HEMK2: variants seen among roughly 807,000 people sequenced by gnomAD.
The protein encoded by HEMK2 is HemK methyltransferase 2, ETF1 glutamine and histone H4 lysine, also known as methyltransferase HEMK2.
At chr21:28,876,094 G>GA in the HEMK2 span, 8 of 199,154 alleles carry the variant, frequency 4.0e-5, no homozygotes, top group East Asian at 1.1e-4. Context: ...GGACTGGTAT[G>GA]AAAAAAAAGA....
chr21:28,775,407 A>G, the HEMK2 span, among the ~76,000 whole-genome samples: 1 of 152,226 alleles, frequency 6.6e-6, no homozygotes, highest in African/African-American at 2.4e-5. Context: ...AAATGGATAT[A>G]CAGGTCTTGA....
the HEMK2 span, among the ~76,000 whole-genome samples, chr21:28,746,129 A>G: frequency 3.9e-5 from 6 of 152,368 alleles, no homozygotes; most frequent in Admixed American, 2.6e-4. Context: ...AAAAACTGAT[A>G]AAACGTTTTG....
the HEMK2 span, among the ~76,000 whole-genome samples, chr21:28,707,130 G>T: frequency 6.6e-6 from 1 of 152,064 alleles, no homozygotes; most frequent in Non-Finnish European, 1.5e-5. Context: ...ATTACATTGA[G>T]AATGTTTAAA....
At chr21:28,701,616 G>C in the HEMK2 span, among the ~76,000 whole-genome samples, 1 of 149,152 alleles carries the variant, frequency 6.7e-6, no homozygotes, top group Non-Finnish European at 1.5e-5. Context: ...TAGAAATATA[G>C]CTAACCAGGG....
At chr21:28,674,797 G>C in the HEMK2 span, 1 of 97,086 alleles carries the variant, frequency 1.0e-5, no homozygotes, top group South Asian at 2.7e-4. Flanking sequence ...TCAGTATATA[G>C]TGGAGGCCCT....
the HEMK2 span, among the ~76,000 whole-genome samples, chr21:28,859,752 AC>A: frequency 3.3e-5 from 5 of 151,906 alleles, no homozygotes; most frequent in Non-Finnish European, 5.9e-5. Flanking sequence ...TGCCCTCACC[AC>A]CCCAGACCTG....
chr21:28,809,817 A>C, the HEMK2 span, among the ~76,000 whole-genome samples: 9 of 152,196 alleles, frequency 5.9e-5, no homozygotes, highest in African/African-American at 2.2e-4. Flanking sequence ...ATTCATAGAC[A>C]GTTGTATCTA....
At chr21:28,663,456 C>T in the HEMK2 span, among the ~76,000 whole-genome samples, 1 of 152,164 alleles carries the variant, frequency 6.6e-6, no homozygotes, top group Non-Finnish European at 1.5e-5. Flanking sequence ...TGAAACACTG[C>T]GATGGGCCAA....
At chr21:28,634,439 G>A in the HEMK2 span, among the ~76,000 whole-genome samples, 1 of 152,186 alleles carries the variant, frequency 6.6e-6, no homozygotes, top group Non-Finnish European at 1.5e-5. Flanking sequence ...GGGCGAGTCA[G>A]GATATGCACG....
chr21:28,608,285 A>G, the HEMK2 span, among the ~76,000 whole-genome samples: 71 of 152,164 alleles, frequency 4.7e-4, no homozygotes, highest in Non-Finnish European at 1.0e-3. Flanking sequence ...TCATTCTCCA[A>G]TTTTAAAATT....
At chr21:28,627,934 C>G in the HEMK2 span, among the ~76,000 whole-genome samples, 4,248 of 152,246 alleles carry the variant, frequency 0.028, 73 homozygotes, top group Non-Finnish European at 0.041. Flanking sequence ...ACTTCATTTG[C>G]ATGGGGACTA....
the HEMK2 span, among the ~76,000 whole-genome samples, chr21:28,635,101 C>CTTTTTTTTTTTTTT: frequency 7.0e-6 from 1 of 142,902 alleles, no homozygotes; most frequent in Non-Finnish European, 1.5e-5. Flanking sequence ...ATGTCCTCAT[C>CTTTTTTTTTTTTTT]TTTTTTTTTT....
the HEMK2 span, among the ~76,000 whole-genome samples, chr21:28,586,556 A>G: frequency 6.6e-6 from 1 of 152,218 alleles, no homozygotes; most frequent in Non-Finnish European, 1.5e-5. Flanking sequence ...GCATTTTATA[A>G]GCCATCCTAT....
chr21:28,831,308 T>C, the HEMK2 span, among the ~76,000 whole-genome samples: 1 of 150,900 alleles, frequency 6.6e-6, no homozygotes, highest in Non-Finnish European at 1.5e-5. Context: ...TAGCTGGGCG[T>C]GGTAGCGGGC....
the HEMK2 span, among the ~76,000 whole-genome samples, chr21:28,596,788 T>G: frequency 6.6e-6 from 1 of 152,154 alleles, no homozygotes; most frequent in African/African-American, 2.4e-5. Flanking sequence ...TTTCAAGAAA[T>G]CATTATATAT....
the HEMK2 span, among the ~76,000 whole-genome samples, chr21:28,592,089 C>T: frequency 0.023 from 3,574 of 152,188 alleles, 158 homozygotes; most frequent in African/African-American, 0.082. Flanking sequence ...CTGGGTTGAA[C>T]GGTAGTTCTG....
the HEMK2 span, among the ~76,000 whole-genome samples, chr21:28,774,905 T>C: frequency 6.6e-6 from 1 of 152,222 alleles, no homozygotes; most frequent in African/African-American, 2.4e-5. Context: ...AAGATGCATC[T>C]AAATTTAGAT....
chr21:28,690,621 A>G, the HEMK2 span, among the ~76,000 whole-genome samples: 1 of 152,116 alleles, frequency 6.6e-6, no homozygotes, highest in African/African-American at 2.4e-5. Flanking sequence ...AGCCACCTAG[A>G]AGCCCCCTCT....
At chr21:28,682,741 T>C in the HEMK2 span, among the ~76,000 whole-genome samples, 1 of 152,140 alleles carries the variant, frequency 6.6e-6, no homozygotes, top group Non-Finnish European at 1.5e-5. Flanking sequence ...GATGAGTTCA[T>C]GTCCTTTGTA....
Sources: allele counts gnomAD v4.1 joint callset (sites outside exome capture counted in the v4.1 genomes callset), GRCh38; gene constraint gnomAD v4.1.1; transcripts MANE v1.5; gene names NCBI Gene and HGNC (gene_info 2026-07-23, HGNC 2026-07-21).